Variants in ACYP2 observed in about 807,000 individuals in gnomAD.
ACYP2 encodes acylphosphatase 2, also known as acylphosphatase-2.
In ACYP2, 12 loss-of-function variants were observed where a neutral mutation model predicts 11.2. That is an observed-to-expected ratio of 1.08 (90% CI 0.69 to 1.74). The LOEUF (loss-of-function observed/expected upper bound fraction) is 1.74. Among genes scored for constraint, ACYP2 ranks in the 40% most tolerant of loss-of-function variants. The pLI is 0.00. For missense variants in ACYP2, 134 were observed against 101.9 expected, an observed-to-expected ratio of 1.31 and a Z score of -1.35; for synonymous variants, 43 against 32.2, an observed-to-expected ratio of 1.33 and a Z score of -1.13.
intron 6 of ACYP2, among the ~76,000 whole-genome samples, chr2:54,231,471 C>G (rs566989962): frequency 6.6e-6 from 1 of 152,290 alleles, no homozygotes; most frequent in Admixed American, 6.5e-5. Context: ...CATCTCACAT[C>G]AGACAGGCAG....
chr2:54,046,554 C>T (rs963984346), intron 2 of ACYP2, among the ~76,000 whole-genome samples: 4 of 151,370 alleles, frequency 2.6e-5, no homozygotes, highest in Non-Finnish European at 4.4e-5. Context: ...CTGTATCTCT[C>T]ATGGATCAAC....
At chr2:53,982,958 G>A (rs1353626634) in intron 2 of ACYP2, among the ~76,000 whole-genome samples, 2 of 151,282 alleles carry the variant, frequency 1.3e-5, no homozygotes, top group East Asian at 2.0e-4. Flanking sequence ...ATTCCTTTTC[G>A]TAAAGATCCA....
chr2:54,256,573 TTCTTCCAGTATAGGTATTACAAATATTTC>T (rs1346737589), intron 6 of ACYP2, among the ~76,000 whole-genome samples: 1 of 152,220 alleles, frequency 6.6e-6, no homozygotes, highest in African/African-American at 2.4e-5. Flanking sequence ...TAGTCAGTCA[TTCTTCCAGTATAGGTATTACAAATATTTC>T]TCTTCCAGTA....
At chr2:54,141,874 C>T (rs148616423) in intron 6 of ACYP2, 1 of 638,378 alleles carries the variant, frequency 1.6e-6, no homozygotes, top group Non-Finnish European at 2.9e-6. Context: ...GTCTTGCTCT[C>T]TCTCCTAGGC....
chr2:54,241,597 G>C (rs537427803), intron 6 of ACYP2, among the ~76,000 whole-genome samples: 1 of 152,288 alleles, frequency 6.6e-6, no homozygotes, highest in Non-Finnish European at 1.5e-5. Context: ...GTCTATGCCA[G>C]GAGAAGTGAA....
chr2:54,138,731 AGACAAAG>A lies in ACYP2; in HGVS notation c.388_394del (p.Asp130SerfsTer4). On this transcript the variant is annotated frameshift_variant, in exon 6 of 7. Transcript: ENST00000607452. LOFTEE classifies it high-confidence loss of function. Reference sequence around the variant, plus strand: ...TGACAGGCCAAGTGCAGGGGCCAGAAGACAAAGTCAATTCCATGTGAGTAGTAAAATT... The same window carrying A: ...TGACAGGCCAAGTGCAGGGGCCAGAATCAATTCCATGTGAGTAGTAAAATT... The A allele has an allele frequency of 6.2e-7, 1 of 1,613,754 alleles. No homozygotes were observed. Among genetic ancestry groups the A allele is most frequent in the Non-Finnish European group, 8.5e-7 (1 of 1,179,832 alleles).
At chr2:54,059,600 T>G (rs1270445800) in intron 4 of ACYP2, among the ~76,000 whole-genome samples, 1 of 152,214 alleles carries the variant, frequency 6.6e-6, no homozygotes, top group African/African-American at 2.4e-5. Flanking sequence ...TTTCAGATAA[T>G]CTATTTGTGG....
chr2:54,252,386 T>A (rs1399481229), intron 6 of ACYP2, among the ~76,000 whole-genome samples: 1 of 152,202 alleles, frequency 6.6e-6, no homozygotes, highest in Non-Finnish European at 1.5e-5. Flanking sequence ...TGTCTTTGAG[T>A]GAATATATGT....
chr2:54,093,643 T>G lies in ACYP2; in HGVS notation c.277+36283T>G, dbSNP rs184974757. On this transcript the variant is annotated intron_variant, in intron 4 of 6. Coordinates refer to ENST00000607452, the MANE Select transcript of ACYP2 (RefSeq NM_001320586.2). ...TGTCAAGTGGGAATAACAATGATAT[T>G]AAATAAAAACCACTTGGCCGGGCGT... Among the ~76,000 whole-genome samples the G allele has an allele frequency of 4.6e-5, 7 of 152,288 alleles. No individual in the cohort carries two copies. The East Asian group carries it at 1.2e-3, about 25-fold the overall frequency.
chr2:54,039,606 T>G (rs1675112835), intron 2 of ACYP2, among the ~76,000 whole-genome samples: 1 of 151,990 alleles, frequency 6.6e-6, no homozygotes, highest in African/African-American at 2.4e-5. Context: ...TTTGTATTTT[T>G]GGTAGAGATG....
chr2:54,066,425 C>A (rs1676752009), intron 4 of ACYP2, among the ~76,000 whole-genome samples: 1 of 152,134 alleles, frequency 6.6e-6, no homozygotes, highest in African/African-American at 2.4e-5. Context: ...TTAAGTAGTT[C>A]TTTATAGCAG....
At chr2:54,241,703 A>T (rs1686736414) in intron 6 of ACYP2, among the ~76,000 whole-genome samples, 1 of 152,208 alleles carries the variant, frequency 6.6e-6, no homozygotes, top group African/African-American at 2.4e-5. Context: ...ATGTGTTGCC[A>T]TTAAGAGTAT....
In ACYP2 at chr2:54,195,794, G is replaced by GTTT. The variant is rs1168917459; in HGVS notation, c.404+57065_404+57067dup. On this transcript the variant is annotated intron_variant, in intron 6 of 6. Coordinates refer to ENST00000607452, the MANE Select transcript of ACYP2 (RefSeq NM_001320586.2). The stretch of plus-strand genomic sequence containing the variant: ...GTACATTGTCATCGTTTTGTTGTGG[G>GTTT]TTTTTTTTTTTTTTTTTTTTTGAGA... 7.6e-4 allele frequency among the ~76,000 whole-genome samples: 63 copies of GTTT among 83,132 alleles called. 1 individual carries two copies. Among genetic ancestry groups the GTTT allele is most frequent in the African/African-American group, 2.4e-3 (49 of 20,122 alleles). The allele number at this position is 83,132 out of a possible 152,430, so 54.5% of individuals were successfully genotyped here.
intron 6 of ACYP2, chr2:54,166,999 G>GTC (rs1683004010): frequency 6.8e-6 from 1 of 146,944 alleles, no homozygotes; most frequent in Non-Finnish European, 1.5e-5. Context: ...TGAAAAAGCT[G>GTC]TAACTTTTTT....
intron 6 of ACYP2, among the ~76,000 whole-genome samples, chr2:54,169,237 A>G (rs928372268): frequency 2.7e-4 from 41 of 152,254 alleles, no homozygotes; most frequent in Admixed American, 9.2e-4. Flanking sequence ...TTGGAGTTGC[A>G]TGCTTGCGTT....
intron 6 of ACYP2, among the ~76,000 whole-genome samples, chr2:54,197,155 AT>A (rs1684523690): frequency 6.6e-6 from 1 of 152,140 alleles, no homozygotes; most frequent in Non-Finnish European, 1.5e-5. Flanking sequence ...TTGGGAGGTG[AT>A]TTCAGGAAGC....
intron 6 of ACYP2, among the ~76,000 whole-genome samples, chr2:54,288,233 C>T (rs1445591370): frequency 6.6e-6 from 1 of 151,960 alleles, no homozygotes; most frequent in Non-Finnish European, 1.5e-5. Context: ...TTTCTTTACC[C>T]TAGAAACAGA....
intron 6 of ACYP2, among the ~76,000 whole-genome samples, chr2:54,300,468 G>T (rs1024000499): frequency 1.3e-5 from 2 of 152,188 alleles, no homozygotes; most frequent in Non-Finnish European, 2.9e-5. Context: ...TAACAACTGG[G>T]TTAATGTGGG....
chr2:54,289,274 G>A (rs1319981062), intron 6 of ACYP2, among the ~76,000 whole-genome samples: 1 of 151,482 alleles, frequency 6.6e-6, no homozygotes, highest in East Asian at 1.9e-4. Context: ...TATTGATGAC[G>A]TCCTCTTATT....
Sources: allele counts gnomAD v4.1 joint callset (sites outside exome capture counted in the v4.1 genomes callset), GRCh38; gene constraint gnomAD v4.1.1; transcripts MANE v1.5; gene names NCBI Gene and HGNC (gene_info 2026-07-23, HGNC 2026-07-21).